Variants in LRGUK observed in about 807,000 individuals in gnomAD.
LRGUK encodes leucine-rich repeat and guanylate kinase domain-containing protein.
In LRGUK, 65 loss-of-function variants were observed where a neutral mutation model predicts 76.0. The ratio of observed to expected loss-of-function variants is 0.85; its 90% CI spans 0.70 to 1.05. The LOEUF (loss-of-function observed/expected upper bound fraction) is 1.05. LRGUK is among the 50% of genes least tolerant of loss of function. The pLI, the probability that LRGUK is intolerant of heterozygous loss-of-function variation, is 0.00. For missense variants in LRGUK, 758 were observed against 732.8 expected (o/e 1.03, Z -0.40); for synonymous variants, 268 against 265.6 (o/e 1.01, Z -0.09).
the LRGUK span, among the ~76,000 whole-genome samples, chr7:134,272,277 C>A: frequency 6.6e-6 from 1 of 152,130 alleles, no homozygotes. Context: ...TGTATTAATT[C>A]AATCATATTC....
exon 16 of LRGUK, chr7:134,221,809 C>T (rs762028900): frequency 4.5e-6 from 7 of 1,572,800 alleles, no homozygotes; most frequent in East Asian, 4.8e-5. Flanking sequence ...AAACCTGAAG[C>T]GCATCCTACA....
chr7:134,259,028 T>G (rs1180419501), intron 19 of LRGUK, among the ~76,000 whole-genome samples: 5 of 152,138 alleles, frequency 3.3e-5, no homozygotes, highest in Non-Finnish European at 7.3e-5. Flanking sequence ...TTTGGTGAGG[T>G]AGACTCCATT....
intron 15 of LRGUK, among the ~76,000 whole-genome samples, chr7:134,207,459 A>G (rs965550463): frequency 3.3e-5 from 5 of 152,202 alleles, no homozygotes; most frequent in African/African-American, 1.2e-4. Context: ...GTTATAAACT[A>G]GGGAGTTCCA....
At chr7:134,225,403 C>T (rs1192204835) in intron 16 of LRGUK, among the ~76,000 whole-genome samples, 1 of 152,152 alleles carries the variant, frequency 6.6e-6, no homozygotes, top group Non-Finnish European at 1.5e-5. Flanking sequence ...CCCCCATAAT[C>T]CACAGCATCT....
At chr7:134,247,582 C>T (rs2598264) in exon 17 of LRGUK, 43,775 of 1,613,006 alleles carry the variant, frequency 0.027, 3,089 homozygotes, top group African/African-American at 0.23. Context: ...ACAGACAGCA[C>T]GAGGCAGCCC....
chr7:134,142,425 G>A (rs1469911976), intron 3 of LRGUK, among the ~76,000 whole-genome samples: 1 of 152,170 alleles, frequency 6.6e-6, no homozygotes, highest in African/African-American at 2.4e-5. Context: ...TATTAGCACA[G>A]TAGTTCTTTA....
chr7:134,231,377 C>T (rs1421126288), intron 16 of LRGUK, among the ~76,000 whole-genome samples: 1 of 152,122 alleles, frequency 6.6e-6, no homozygotes, highest in Non-Finnish European at 1.5e-5. Context: ...CTCTCATAGC[C>T]ATCATCTCCA....
At chr7:134,219,898 T>C (rs4732011) in intron 15 of LRGUK, among the ~76,000 whole-genome samples, 6,129 of 152,212 alleles carry the variant, frequency 0.04, 262 homozygotes, top group East Asian at 0.15. Flanking sequence ...TTAGGTGGAC[T>C]TCCTCTGACC....
intron 16 of LRGUK, among the ~76,000 whole-genome samples, chr7:134,245,670 A>G (rs1802282549): frequency 6.6e-6 from 1 of 152,184 alleles, no homozygotes; most frequent in African/African-American, 2.4e-5. Flanking sequence ...AGTTATAATA[A>G]AATATAAATT....
chr7:134,187,632 C>G (rs935427190), intron 11 of LRGUK, among the ~76,000 whole-genome samples: 1 of 152,140 alleles, frequency 6.6e-6, no homozygotes, highest in African/African-American at 2.4e-5. Context: ...TCTTTCTTTA[C>G]CAGTATTAGT....
At chr7:134,198,521 G>A (rs1360475316) in intron 13 of LRGUK, among the ~76,000 whole-genome samples, 1 of 152,242 alleles carries the variant, frequency 6.6e-6, no homozygotes, top group Non-Finnish European at 1.5e-5. Context: ...TGAACATTGA[G>A]TGAAACTGAT....
At chr7:134,232,832 A>G (rs1474802223) in intron 16 of LRGUK, among the ~76,000 whole-genome samples, 1 of 152,132 alleles carries the variant, frequency 6.6e-6, no homozygotes, top group East Asian at 1.9e-4. Context: ...TTCCTTGCTT[A>G]TACAATTCTT....
At chr7:134,128,103 C>A (rs531193050) in intron 1 of LRGUK, among the ~76,000 whole-genome samples, 105 of 101,160 alleles carry the variant, frequency 1.0e-3, no homozygotes, top group African/African-American at 4.0e-3. Context: ...GTCAGCCTCC[C>A]TCCAGGAAAA....
the LRGUK span, among the ~76,000 whole-genome samples, chr7:134,276,374 G>A: frequency 6.6e-6 from 1 of 152,166 alleles, no homozygotes; most frequent in Non-Finnish European, 1.5e-5. Flanking sequence ...TCCTGGTTCA[G>A]CCCTTTGCTA....
exon 20 of LRGUK, chr7:134,264,252 T>G (rs768476033): frequency 1.4e-5 from 4 of 286,208 alleles, no homozygotes; most frequent in Non-Finnish European, 2.5e-5. Context: ...CATTTCATTT[T>G]TTTTTCTATA....
intron 7 of LRGUK, among the ~76,000 whole-genome samples, chr7:134,165,751 G>T (rs1798951778): frequency 6.6e-6 from 1 of 152,100 alleles, no homozygotes; most frequent in Admixed American, 6.5e-5. Context: ...TAAGGTCTGG[G>T]CAGCTGCATG....
chr7:134,127,597 A>G (rs200246412), exon 1 of LRGUK: 1 of 1,614,156 alleles, frequency 6.2e-7, no homozygotes, highest in East Asian at 2.2e-5. Context: ...TCGGACGGAG[A>G]TGAGGACCAG....
At chr7:134,181,688 T>A (rs1472469504) in intron 10 of LRGUK, among the ~76,000 whole-genome samples, 2 of 152,176 alleles carry the variant, frequency 1.3e-5, no homozygotes, top group African/African-American at 4.8e-5. Context: ...AAATATATTT[T>A]GAGGTAATTG....
intron 5 of LRGUK, among the ~76,000 whole-genome samples, chr7:134,155,280 T>C (rs1234096895): frequency 6.6e-6 from 1 of 152,214 alleles, no homozygotes; most frequent in Admixed American, 6.5e-5. Flanking sequence ...ACAATCCGTA[T>C]CTACAAAGAT....
Sources: allele counts gnomAD v4.1 joint callset (sites outside exome capture counted in the v4.1 genomes callset), GRCh38; gene constraint gnomAD v4.1.1; transcripts MANE v1.5; gene names NCBI Gene and HGNC (gene_info 2026-07-23, HGNC 2026-07-21).